Variants in COL6A3 observed in about 807,000 individuals in gnomAD.
The protein encoded by COL6A3 is collagen alpha-3(VI) chain.
In COL6A3, 137 loss-of-function variants were observed where a neutral mutation model predicts 274.1. The observed-to-expected ratio is 0.50, with a 90% CI of 0.44 to 0.58. The LOEUF (loss-of-function observed/expected upper bound fraction) is 0.58, where lower values mean the gene tolerates loss of function less well. COL6A3 is among the 20% of genes least tolerant of loss of function. COL6A3 has a pLI of 0.00. For synonymous variants in COL6A3, 1,650 were observed against 1,650.6 expected (o/e 1.00, Z 0.01); for missense variants, 3,950 against 4,124.9 (o/e 0.96, Z 1.16).
Position 237,344,718 on chromosome 2 carries a change from T to C in COL6A3, c.7300A>G (p.Ile2434Val), listed in dbSNP as rs1040346559. The C allele has an allele frequency of 1.9e-6, 3 of 1,605,690 alleles. No homozygotes were observed. The highest frequency in any genetic ancestry group is 2.6e-6 in the Non-Finnish European group (3 of 1,175,670). ...CCCCGTGGGCAGTTGCTCTCAGCAA[T>C]GGTCAGGTCATTCACAATACTCAAG... ...VVLSIVNDLT[I>V]AESNCPRGAR... Residue 2434 changes from isoleucine (I) to valine (V), a missense_variant, in exon 36 of 44, where the codon ATT becomes GTT. This residue lies in a region of COL6A3 where 1,284 missense variants were observed against 1,349.7 expected (regional missense o/e 0.95). Transcript: ENST00000295550. This position sits in a 1 kb window ranked among gnomAD's most constrained non-coding sequence, Gnocchi z 4.8.
chr2:237,406,907 C>CTTTTTTT (rs1006109385), intron 1 of COL6A3, among the ~76,000 whole-genome samples: 3 of 123,520 alleles, frequency 2.4e-5, no homozygotes, highest in African/African-American at 6.4e-5. Context: ...TCTTTTTTCC[C>CTTTTTTT]TTTTTTTTTT....
chr2:237,399,673 C>T (rs2078540649), intron 1 of COL6A3, among the ~76,000 whole-genome samples: 1 of 152,164 alleles, frequency 6.6e-6, no homozygotes, highest in African/African-American at 2.4e-5. Context: ...TTGATTTAAC[C>T]CAGAATTCCC....
chr2:237,379,696 C>A (rs1271607293), intron 5 of COL6A3, among the ~76,000 whole-genome samples: 3 of 152,176 alleles, frequency 2.0e-5, no homozygotes, highest in Non-Finnish European at 4.4e-5. Context: ...CCTCACTAAC[C>A]TGAGAAAACG....
chr2:237,388,655 T>C (rs2078213427), intron 3 of COL6A3, among the ~76,000 whole-genome samples: 1 of 152,214 alleles, frequency 6.6e-6, no homozygotes, highest in African/African-American at 2.4e-5. Flanking sequence ...TAATTTTTTA[T>C]ACAAATCCAC....
At chr2:237,328,483 A>G (rs989460283) in intron 42 of COL6A3, 2 of 152,274 alleles carry the variant, frequency 1.3e-5, no homozygotes, top group African/African-American at 4.8e-5. Context: ...TCCCACAAGC[A>G]ATAATATTCA....
chr2:237,363,283 C>T lies in COL6A3; in HGVS notation c.6033G>A (p.Leu2011=). ...GCTCCGCTAGTTCATAATCCAAGTC[C>T]AGCAAGTTAAGCCTCAGGGGCCTGT... ...MYDRPLRLNL[L]DLDYELAEQL... The change falls in exon 14 of 44, where the codon CTG becomes CTA. Residue 2011 remains leucine, a synonymous_variant. Transcript: ENST00000295550. The T allele has an allele frequency of 6.2e-7, 1 of 1,614,112 alleles. No homozygotes were observed. The highest frequency in any genetic ancestry group is 8.5e-7 in the Non-Finnish European group (1 of 1,180,030).
At position 237,413,494 on chromosome 2, in the gene COL6A3, G is replaced by T. The variant is rs1355819333; in HGVS notation, c.-31+459C>A. ...CCTGGGCAGAAAACCCATGCAGGTTGTTGCACCCTGACCTAGTGTCACCAC... is the reference window on the plus strand; with the variant it reads ...CCTGGGCAGAAAACCCATGCAGGTTTTTGCACCCTGACCTAGTGTCACCAC... On this transcript the variant is annotated intron_variant, in intron 1 of 43. Transcript: ENST00000295550. The surrounding 1 kb of genome is among the most constrained non-coding windows in gnomAD (Gnocchi z 4.0). Among the ~76,000 whole-genome samples, 1 of 152,210 alleles carries T rather than the reference G, an allele frequency of 6.6e-6. No homozygotes were observed. Among genetic ancestry groups the T allele is most frequent in the African/African-American group, 2.4e-5 (1 of 41,448 alleles).
At position 237,366,051 on chromosome 2, in the gene COL6A3, G is replaced by T. The variant is rs766752571; in HGVS notation, c.5501-16C>A. ...AGATTACAAGCTGGAAAGGAGAAATGCAGGTGATGAGTTCTCAGCTGGGGC... is the reference window on the plus strand; with the variant it reads ...AGATTACAAGCTGGAAAGGAGAAATTCAGGTGATGAGTTCTCAGCTGGGGC... On this transcript the variant is annotated splice_polypyrimidine_tract_variant and intron_variant, in intron 11 of 43. Transcript: ENST00000295550. 7 of 1,609,756 alleles carry T rather than the reference G, an allele frequency of 4.3e-6. No individual in the cohort carries two copies. In the African/African-American group the frequency reaches 8.0e-5, roughly 18 times the overall value.
intron 42 of COL6A3, among the ~76,000 whole-genome samples, chr2:237,331,810 C>G (rs1354572370): frequency 6.6e-6 from 1 of 151,136 alleles, no homozygotes; most frequent in East Asian, 2.0e-4. Flanking sequence ...CACAGACACA[C>G]ACACATGAAA....
chr2:237,377,279 C>A lies in COL6A3; in HGVS notation c.2563G>T (p.Val855Phe), dbSNP rs778451849. ...ATAATCTTGTAGAGAAAGTCACGGA[C>A]AACAGGGAACTGGCCCACAAGATTG... ...SANLVGQFPVVRDFLYKIIDE... is the reference protein window; with the variant it reads ...SANLVGQFPVFRDFLYKIIDE... The change falls in exon 7 of 44, where the codon GTC (valine) becomes TTC (phenylalanine). Residue 855 changes from valine to phenylalanine, a missense_variant. Val to Phe is a conservative substitution (Grantham distance 50). This residue lies in a region of COL6A3 where 1,934 missense variants were observed against 1,984.3 expected (regional missense o/e 0.97). Transcript: ENST00000295550. The A allele has an allele frequency of 6.2e-7, 1 of 1,605,354 alleles. No individual in the cohort carries two copies. Among genetic ancestry groups the A allele is most frequent in the Non-Finnish European group, 8.5e-7 (1 of 1,179,994 alleles).
At position 237,348,570 on chromosome 2, in the gene COL6A3, C is replaced by G. The variant is rs2646264; in HGVS notation, c.6930+43G>C. On this transcript the variant is annotated intron_variant, in intron 29 of 43. Coordinates refer to ENST00000295550, the MANE Select transcript of COL6A3 (RefSeq NM_004369.4). ...ACATCAGAAGTTGTCCTTGGAGCCT[C>G]CTGGCAGCAAGGACGCTTGGATAAT... 0.11 allele frequency: 170,339 copies of G among 1,593,010 alleles called. 9,430 individuals are homozygous for G. Among genetic ancestry groups the G allele is most frequent in the Admixed American group, 0.17 (10,097 of 59,454 alleles).
At chr2:237,395,384 C>T (rs1001348366) in intron 2 of COL6A3, among the ~76,000 whole-genome samples, 180 bp from the exon 3 acceptor site, 1 of 152,222 alleles carries the variant, frequency 6.6e-6, no homozygotes, top group Admixed American at 6.5e-5. Context: ...AGCCCATGCA[C>T]TCAATAGCTG....
rs1185601291 is a variant in COL6A3, at chr2:237,381,119, T to G, written c.1693A>C (p.Ile565Leu). 1 of 1,614,212 alleles carries G rather than the reference T, an allele frequency of 6.2e-7. No individual in the cohort carries two copies. The highest frequency in any genetic ancestry group is 8.5e-7 in the Non-Finnish European group (1 of 1,180,042). The change falls in exon 5 of 44, where the codon ATC (isoleucine) becomes CTC (leucine). Residue 565 changes from isoleucine (I) to leucine (L), a missense_variant. Physicochemically the swap from Ile to Leu is conservative, Grantham distance 5. Around this residue, in one of 5 missense-constraint regions of COL6A3, gnomAD observed 1,934 missense variants for 1,984.3 expected, o/e 0.97. Transcript: ENST00000295550. ...LITGGKSLDEISQPAQELKRS... is the reference protein window; with the variant it reads ...LITGGKSLDELSQPAQELKRS... ...TTCAGCTCCTGGGCAGGCTGGCTGA[T>G]TTCATCTAGGGACTTACCACCTGTG...
Position 237,381,293 on chromosome 2 carries a change from C to T in COL6A3, c.1519G>A (p.Glu507Lys). ...FYFNTHPTKR[E>K]VITAVRKMKP... ...ATTTTCCGCACAGCGGTTATGACTT[C>T]CCTTTTTGTTGGATGGGTATTGAAA... The change falls in exon 5 of 44, where the codon GAA becomes AAA. Residue 507 changes from glutamate to lysine, a missense_variant. Glu to Lys is a moderately conservative substitution (Grantham distance 56). This residue lies in a region of COL6A3 where 1,934 missense variants were observed against 1,984.3 expected (regional missense o/e 0.97). Transcript: ENST00000295550. 1 of 1,614,246 alleles carries T rather than the reference C, an allele frequency of 6.2e-7. No homozygotes were observed.
In COL6A3 at chr2:237,329,020, G is replaced by C. The variant is rs186296934; in HGVS notation, c.9329-3296C>G. On this transcript the variant is annotated intron_variant, in intron 42 of 43. Coordinates refer to ENST00000295550, the MANE Select transcript of COL6A3 (RefSeq NM_004369.4). ...ATTTTGAGCATTGGTCAGTTCAAAG[G>C]GTACCAAGGAAACTTACCAAATTTT... is the stretch of plus-strand genomic sequence containing the variant. 6.4e-4 allele frequency: 97 copies of C among 152,244 alleles called. 1 individual carries two copies. The highest frequency in any genetic ancestry group is 2.2e-3 in the African/African-American group (90 of 41,552). 9.4% of individuals were successfully genotyped at this position (152,244 alleles called of 1,614,324 possible). A position where few individuals can be genotyped will look rare whatever the true frequency, so the allele number is the denominator to read the frequency against.
At chr2:237,363,511 C>T (rs1336560903) in intron 13 of COL6A3, 113 bp from the exon 14 acceptor site, 3 of 1,209,352 alleles carry the variant, frequency 2.5e-6, no homozygotes, top group African/African-American at 1.5e-5. Context: ...TAGCTTTTAA[C>T]TTAAATATAT....
In COL6A3 at chr2:237,344,544, A is replaced by T. The variant is rs2077058760; in HGVS notation, c.7474T>A (p.Ser2492Thr). 1.2e-6 allele frequency: 2 copies of T among 1,614,160 alleles called. No individual in the cohort carries two copies. Among genetic ancestry groups the T allele is most frequent in the Non-Finnish European group, 1.7e-6 (2 of 1,180,032 alleles). ...SKQQSLETAMSFVARNTFKRV... is the reference protein window; with the variant it reads ...SKQQSLETAMTFVARNTFKRV... ...TTAAATGTGTTCCTGGCCACAAACG[A>T]CATGGCAGTCTCCAGACTCTGCTGT... is the stretch of plus-strand genomic sequence containing the variant. The change falls in exon 36 of 44, where the codon TCG becomes ACG. Residue 2492 changes from serine to threonine, a missense_variant. Ser to Thr is a moderately conservative substitution (Grantham distance 58). Around this residue, in one of 5 missense-constraint regions of COL6A3, gnomAD observed 1,284 missense variants for 1,349.7 expected, o/e 0.95. Coordinates refer to ENST00000295550, the MANE Select transcript of COL6A3 (RefSeq NM_004369.4). This position sits in a 1 kb window ranked among gnomAD's most constrained non-coding sequence, Gnocchi z 4.8.
At chr2:237,356,596 G>A (rs2077322559) in intron 23 of COL6A3, among the ~76,000 whole-genome samples, 1 of 152,144 alleles carries the variant, frequency 6.6e-6, no homozygotes, top group South Asian at 2.1e-4. Flanking sequence ...CCCAGCCCCA[G>A]CTTGCAGCCT....
chr2:237,341,543 T>TAAAAAAAAA lies in COL6A3; in HGVS notation c.7766-402_7766-394dup, dbSNP rs71039760. On this transcript the variant is annotated intron_variant, in intron 37 of 43. Coordinates refer to ENST00000295550, the MANE Select transcript of COL6A3 (RefSeq NM_004369.4). ...TGGGCAACAAGAGCAAGACTCTGTC[T>TAAAAAAAAA]AAAAAAAAAAAAAAAAAAAAAAAAA... 1.8e-3 allele frequency among the ~76,000 whole-genome samples: 87 copies of TAAAAAAAAA among 49,122 alleles called. 1 individual carries two copies. Among genetic ancestry groups the TAAAAAAAAA allele is most frequent in the African/African-American group, 6.8e-3 (76 of 11,110 alleles). 32.2% of individuals were successfully genotyped at this position (49,122 alleles called of 152,430 possible).
Sources: allele counts gnomAD v4.1 joint callset (sites outside exome capture counted in the v4.1 genomes callset), GRCh38; gene constraint gnomAD v4.1.1; regional missense constraint gnomAD v4.1.1; non-coding constraint Gnocchi (gnomAD v3.1); transcripts MANE v1.5; gene names NCBI Gene and HGNC (gene_info 2026-07-23, HGNC 2026-07-21).